Variants in NUMA1 observed in about 807,000 individuals in gnomAD.
NUMA1 encodes the protein SP-H antigen.
A neutral mutation model predicts 237.1 loss-of-function variants in NUMA1; 62 were observed. That is an observed-to-expected ratio of 0.26 (90% CI 0.21 to 0.32). The LOEUF (loss-of-function observed/expected upper bound fraction) is 0.32. Ranked by LOEUF, NUMA1 falls within the 10% of genes least tolerant of loss-of-function variation. NUMA1 has a pLI of 1.00. For synonymous variants in NUMA1, 1,028 were observed against 1,066.1 expected, an observed-to-expected ratio of 0.96 and a Z score of 0.70; for missense variants, 2,533 against 2,666.5, an observed-to-expected ratio of 0.95 and a Z score of 1.10.
chr11:72,007,310 C>G lies in NUMA1; in HGVS notation c.5342G>C (p.Arg1781Pro). 11 of 1,613,256 alleles carry G rather than the reference C, an allele frequency of 6.8e-6. No homozygotes were observed. The highest frequency in any genetic ancestry group is 9.3e-6 in the Non-Finnish European group (11 of 1,179,708). Residue 1781 changes from arginine to proline, a missense_variant, in exon 21 of 27, where the codon CGG (arginine) becomes CCG (proline). Transcript: ENST00000393695. The part of the protein sequence containing the change: ...ESLYFTPIPA[R>P]SQAPLESSLD... ...GCTGCTCTCCAGGGGGGCCTGACTC[C>G]GAGCAGGGATGGGAGTGAAGTAGAG...
Position 72,007,356 on chromosome 11 carries a change from TGGG to T in NUMA1, c.5293_5295del (p.Pro1765del), listed in dbSNP as rs1207322636. On this transcript the variant is annotated inframe_deletion, in exon 21 of 27. Transcript: ENST00000393695. The stretch of plus-strand genomic sequence containing the variant: ...TAGAGACTCTCCAGGGATTCTACCT[TGGG>T]GGGCAGGCGCTGGGAGATAGGTGAG... The T allele has an allele frequency of 6.2e-7, 1 of 1,613,452 alleles. No homozygotes were observed. The highest frequency in any genetic ancestry group is 8.5e-7 in the Non-Finnish European group (1 of 1,179,844).
Position 72,014,737 on chromosome 11 carries a change from C to T in NUMA1, c.2766G>A (p.Leu922=). 1 of 1,614,148 alleles carries T rather than the reference C, an allele frequency of 6.2e-7. No homozygotes were observed. Among genetic ancestry groups the T allele is most frequent in the Non-Finnish European group, 8.5e-7 (1 of 1,180,046 alleles). The change falls in exon 15 of 27, where the codon TTG becomes TTA. Residue 922 remains leucine (L), a synonymous_variant. Transcript: ENST00000393695. This position sits in a 1 kb window ranked among gnomAD's most constrained non-coding sequence, Gnocchi z 4.6. ...CCTGCTGCTCACCTGCCTTGCGCAC[C>T]AAGGTCTCCAAGCGGGCCACCTCTT... ...TSKEVARLET[L]VRKAGEQQET... is the part of the protein sequence containing the mutation.
chr11:72,015,810 G>T lies in NUMA1; in HGVS notation c.1693C>A (p.Gln565Lys). Residue 565 changes from glutamine (Q) to lysine (K), a missense_variant, in exon 15 of 27, where the codon CAG (glutamine) becomes AAG (lysine). Gln to Lys is a moderately conservative substitution (Grantham distance 53). Around this residue, in one of 3 missense-constraint regions of NUMA1, gnomAD observed 1,414 missense variants for 1,508.1 expected, o/e 0.94. Transcript: ENST00000393695. This position sits in a 1 kb window ranked among gnomAD's most constrained non-coding sequence, Gnocchi z 4.0. ...TTCTCCGCTACCTCCTTCAACTGCT[G>T]CTCCTTCTGCTTCAGGCTACTGCTT... ...QLSSSLKQKE[Q>K]QLKEVAEKQE... 3.7e-6 allele frequency: 6 copies of T among 1,614,210 alleles called. No homozygotes were observed. Among genetic ancestry groups the T allele is most frequent in the Non-Finnish European group, 5.1e-6 (6 of 1,180,042 alleles).
rs578188129 is a variant in NUMA1, at chr11:72,013,781, A to G, written c.3722T>C (p.Val1241Ala). The G allele has an allele frequency of 6.2e-7, 1 of 1,609,940 alleles. No homozygotes were observed. Among genetic ancestry groups the G allele is most frequent in the Non-Finnish European group, 8.5e-7 (1 of 1,179,966 alleles). ...CTTGCTCTCCCCCTCCTTCTCCAGG[A>G]CCTGGCGATTCAGGATGGACACCTC... Reference protein sequence around the residue: ...EEEVSILNRQVLEKEGESKEL... With the variant: ...EEEVSILNRQALEKEGESKEL... Residue 1241 changes from valine to alanine, a missense_variant, in exon 15 of 27, where the codon GTC becomes GCC. Physicochemically the swap from Val to Ala is moderately conservative, Grantham distance 64. This residue lies in a region of NUMA1 where 324 missense variants were observed against 407.6 expected (regional missense o/e 0.79). Coordinates refer to ENST00000393695, the MANE Select transcript of NUMA1 (RefSeq NM_006185.4). This position sits in a 1 kb window ranked among gnomAD's most constrained non-coding sequence, Gnocchi z 6.8.
chr11:72,051,949 C>T (rs1942383827), intron 2 of NUMA1, among the ~76,000 whole-genome samples: 1 of 152,104 alleles, frequency 6.6e-6, no homozygotes, highest in Non-Finnish European at 1.5e-5. Context: ...GTGGGAGGCA[C>T]TGAAAAGTCC....
chr11:72,078,842 G>A (rs567266473), intron 1 of NUMA1, among the ~76,000 whole-genome samples: 15 of 152,128 alleles, frequency 9.9e-5, no homozygotes, highest in East Asian at 3.9e-4. Context: ...CCTCATGTTC[G>A]CCCCAGGTTC....
chr11:72,077,043 G>T (rs1943740322), intron 1 of NUMA1, among the ~76,000 whole-genome samples: 1 of 152,128 alleles, frequency 6.6e-6, no homozygotes, highest in African/African-American at 2.4e-5. Flanking sequence ...AGACCTAGCT[G>T]AAGAGTAAAC....
intron 1 of NUMA1, among the ~76,000 whole-genome samples, chr11:72,078,350 G>A (rs1943813603): frequency 1.3e-5 from 2 of 152,234 alleles, no homozygotes; most frequent in African/African-American, 4.8e-5. Flanking sequence ...TAATGCAAAA[G>A]TAACTGTGGT....
chr11:72,027,563 A>AT (rs397809821), intron 4 of NUMA1, among the ~76,000 whole-genome samples: 6 of 151,554 alleles, frequency 4.0e-5, no homozygotes, highest in Non-Finnish European at 7.4e-5. Context: ...TTAAAAAAAA[A>AT]TGAGGTGGTG....
intron 2 of NUMA1, among the ~76,000 whole-genome samples, chr11:72,040,445 T>TAC (rs66621771): frequency 3.5e-4 from 48 of 136,528 alleles, no homozygotes; most frequent in Admixed American, 2.6e-3. Flanking sequence ...CGCGTACACA[T>TAC]ACACACACAC....
In NUMA1 at chr11:72,079,930, A is replaced by G. The variant is rs1046188220; in HGVS notation, c.-103+528T>C. The stretch of plus-strand genomic sequence containing the variant: ...CCCCGTCCCCATTTATGCCCAACCC[A>G]TAAACCCAAAGTAGAGCCAACCTCG... On this transcript the variant is annotated intron_variant, in intron 1 of 26. Transcript: ENST00000393695. 1.3e-4 allele frequency among the ~76,000 whole-genome samples: 20 copies of G among 152,078 alleles called. 1 individual carries two copies. Among genetic ancestry groups the G allele is most frequent in the Non-Finnish European group, 8.8e-5 (6 of 68,004 alleles).
intron 4 of NUMA1, among the ~76,000 whole-genome samples, chr11:72,026,735 T>C (rs897013422): frequency 5.9e-5 from 9 of 152,194 alleles, no homozygotes; most frequent in African/African-American, 2.2e-4. Context: ...AGCTTCTATC[T>C]ACCCTCCAAC....
chr11:72,035,055 C>T (rs1474010029), intron 3 of NUMA1, among the ~76,000 whole-genome samples: 1 of 152,022 alleles, frequency 6.6e-6, no homozygotes, highest in African/African-American at 2.4e-5. Flanking sequence ...CAGGTTTTTG[C>T]CATGTTGCCC....
chr11:72,004,390 C>A, intron 24 of NUMA1, 49 bp from the exon 25 acceptor site: 3 of 1,535,850 alleles, frequency 2.0e-6, no homozygotes, highest in Non-Finnish European at 2.7e-6. Flanking sequence ...GGAGTCACAT[C>A]TGAAGCCAGG....
chr11:72,025,995 GA>G (rs1278023795), intron 4 of NUMA1, among the ~76,000 whole-genome samples: 2 of 152,198 alleles, frequency 1.3e-5, no homozygotes, highest in African/African-American at 4.8e-5. Context: ...GTTCTCAGGT[GA>G]AATGTTTAAA....
At chr11:72,047,670 G>GGTCTA (rs1452082693) in intron 2 of NUMA1, among the ~76,000 whole-genome samples, 2 of 152,006 alleles carry the variant, frequency 1.3e-5, no homozygotes, top group Non-Finnish European at 2.9e-5. Flanking sequence ...CTGCCAGGCA[G>GGTCTA]GTCTATAAAG....
chr11:72,058,277 T>C (rs1942770688), intron 2 of NUMA1, among the ~76,000 whole-genome samples: 1 of 152,100 alleles, frequency 6.6e-6, no homozygotes, highest in Non-Finnish European at 1.5e-5. Context: ...TATTTTTGTG[T>C]CCCCCAAAAA....
chr11:72,047,939 C>T (rs887122730), intron 2 of NUMA1: 2 of 152,014 alleles, frequency 1.3e-5, no homozygotes. Context: ...ATCTCTGTAT[C>T]GTTCCTATTT....
Position 72,017,715 on chromosome 11 carries a change from T to C in NUMA1, c.1091A>G (p.Lys364Arg), listed in dbSNP as rs774855608. The C allele has an allele frequency of 5.0e-6, 8 of 1,613,506 alleles. No homozygotes were observed. The highest frequency in any genetic ancestry group is 6.8e-6 in the Non-Finnish European group (8 of 1,180,028). ...EWLEKQAQLEKELSAALQDKK... is the reference protein window; with the variant it reads ...EWLEKQAQLERELSAALQDKK... ...GTCCTGCAGGGCTGCGCTGAGCTCC[T>C]TCTCCAGCTGGGCCTGCTTCTCTAG... The change falls in exon 13 of 27, where the codon AAG becomes AGG. Residue 364 changes from lysine to arginine, a missense_variant. This residue lies in a region of NUMA1 where 1,414 missense variants were observed against 1,508.1 expected (regional missense o/e 0.94). Coordinates refer to ENST00000393695, the MANE Select transcript of NUMA1 (RefSeq NM_006185.4).
Sources: allele counts gnomAD v4.1 joint callset (sites outside exome capture counted in the v4.1 genomes callset), GRCh38; gene constraint gnomAD v4.1.1; regional missense constraint gnomAD v4.1.1; non-coding constraint Gnocchi (gnomAD v3.1); transcripts MANE v1.5; gene names NCBI Gene and HGNC (gene_info 2026-07-23, HGNC 2026-07-21).